CACNA1A: variants seen among roughly 807,000 people sequenced by gnomAD.
The protein encoded by CACNA1A is voltage-dependent P/Q-type calcium channel subunit alpha-1A.
Under a neutral mutation model 262.4 loss-of-function variants are expected in CACNA1A, and 57 were observed. The ratio of observed to expected loss-of-function variants is 0.22; its 90% confidence interval spans 0.18 to 0.27. CACNA1A has a LOEUF of 0.27. Ranked by LOEUF, CACNA1A falls within the 10% of genes least tolerant of loss-of-function variation. The pLI, the probability that CACNA1A is intolerant of heterozygous loss-of-function variation, is 1.00. For missense variants in CACNA1A, 2,526 were observed against 3,562.8 expected (o/e 0.71, Z 7.41); for synonymous variants, 1,431 against 1,419.3 (o/e 1.01, Z -0.18).
intron 19 of CACNA1A, among the ~76,000 whole-genome samples, chr19:13,294,065 CAGTAATATT>C (rs1370372773): frequency 6.6e-6 from 1 of 151,916 alleles, no homozygotes; most frequent in African/African-American, 2.4e-5. Context: ...CTGATAATAA[CAGTAATATT>C]AGTAATAATA....
intron 44 of CACNA1A, 94 bp downstream of exon 44, chr19:13,210,523 G>A (rs2054768929): frequency 8.6e-7 from 1 of 1,157,600 alleles, no homozygotes; most frequent in Non-Finnish European, 1.2e-6. Context: ...GTGGGGTCCG[G>A]GGACGGTGAG....
rs933948350 is a variant in CACNA1A at position 13,261,266 on chromosome 19, G to A, written c.4250+184C>T. 8 of 564,000 alleles carry A rather than the reference G, an allele frequency of 1.4e-5. No homozygotes were observed. In the African/African-American group the frequency reaches 1.5e-4, roughly 11 times the overall value. The allele number at this position is 564,000 out of a possible 1,614,324, so 34.9% of individuals were successfully genotyped here. The stretch of plus-strand genomic sequence containing the variant: ...GCTTATGACTCATTCTGTGGCTCTG[G>A]GTGGTGACTCAAATTCTAAAACCGG... On this transcript the variant is annotated intron_variant, in intron 26 of 46. Transcript: ENST00000360228.
intron 17 of CACNA1A, among the ~76,000 whole-genome samples, chr19:13,302,965 T>C (rs1399278420): frequency 6.6e-6 from 1 of 152,188 alleles, no homozygotes; most frequent in African/African-American, 2.4e-5. Context: ...CTGTTACATG[T>C]AATCTTAACT....
intron 3 of CACNA1A, among the ~76,000 whole-genome samples, chr19:13,447,199 A>G (rs951574960): frequency 6.6e-6 from 1 of 152,216 alleles, no homozygotes; most frequent in Non-Finnish European, 1.5e-5. Context: ...ACCAGAAAAA[A>G]AAATATACAT....
At chr19:13,372,480 G>A (rs2059341687) in intron 3 of CACNA1A, among the ~76,000 whole-genome samples, 1 of 152,104 alleles carries the variant, frequency 6.6e-6, no homozygotes, top group South Asian at 2.1e-4. Context: ...CCTGGTTTGT[G>A]GCTCTTTAAC....
At chr19:13,262,612 T>C in intron 25 of CACNA1A, 122 bp downstream of exon 25, 1 of 664,386 alleles carries the variant, frequency 1.5e-6, no homozygotes, top group Non-Finnish European at 2.8e-6. Context: ...CCATACACGA[T>C]GGCTAGGATG....
chr19:13,225,096 C>T (rs887573497), intron 37 of CACNA1A: 4 of 255,944 alleles, frequency 1.6e-5, no homozygotes, highest in Non-Finnish European at 2.3e-5. Context: ...TGGATGGCCC[C>T]GTTTCAGTCT....
At chr19:13,450,139 CA>C (rs367559329) in intron 3 of CACNA1A, among the ~76,000 whole-genome samples, 332 of 52,228 alleles carry the variant, frequency 6.4e-3, no homozygotes, top group East Asian at 0.05. Flanking sequence ...AGACTCTTGT[CA>C]AAAAAAAAAA....
At position 13,210,651 on chromosome 19, in the gene CACNA1A, C is replaced by T. The variant is rs866974416; in HGVS notation, c.6305G>A (p.Arg2102Lys). 1 of 1,563,474 alleles carries T rather than the reference C, an allele frequency of 6.4e-7. No homozygotes were observed. Among genetic ancestry groups the T allele is most frequent in the Non-Finnish European group, 8.7e-7 (1 of 1,155,212 alleles). ...SMPRLPAENQRRRGRPRGNNL... is the reference protein window; with the variant it reads ...SMPRLPAENQKRRGRPRGNNL... ...ATTCCCACGTGGCCGGCCCCTTCTC[C>T]TCTGTCACAGCCCCATGGGATGGTG... Residue 2102 changes from arginine to lysine, a missense_variant and splice_region_variant, in exon 44 of 47, where the codon AGG becomes AAG. Physicochemically the swap from Arg to Lys is conservative, Grantham distance 26. Around this residue, in one of 17 missense-constraint regions of CACNA1A, gnomAD observed 929 missense variants for 868.1 expected, o/e 1.07. Coordinates refer to ENST00000360228, the MANE Select transcript of CACNA1A (RefSeq NM_001127222.2).
intron 1 of CACNA1A, among the ~76,000 whole-genome samples, chr19:13,500,699 AGAAATGAAATGTAT>A (rs1395206362): frequency 1.3e-5 from 2 of 152,226 alleles, no homozygotes; most frequent in African/African-American, 2.4e-5. Context: ...TTTACCCAAG[AGAAATGAAATGTAT>A]GAAATGAAAT....
At chr19:13,456,454 T>C (rs867554396) in intron 1 of CACNA1A, among the ~76,000 whole-genome samples, 8 of 151,726 alleles carry the variant, frequency 5.3e-5, no homozygotes, top group African/African-American at 9.7e-5. Context: ...GGGTGGATCA[T>C]GAGGTCAGGA....
At chr19:13,352,810 T>G (rs2058937837) in intron 6 of CACNA1A, among the ~76,000 whole-genome samples, 1 of 152,200 alleles carries the variant, frequency 6.6e-6, no homozygotes, top group South Asian at 2.1e-4. Flanking sequence ...TTTCGCTCTG[T>G]TGCCCAGGCT....
intron 34 of CACNA1A, among the ~76,000 whole-genome samples, chr19:13,234,068 G>A (rs8111448): frequency 7.8e-6 from 1 of 128,108 alleles, no homozygotes; most frequent in East Asian, 2.3e-4. Flanking sequence ...AAAAAAAAAG[G>A]GCTGGGCACG....
At chr19:13,387,247 C>A (rs1014977123) in intron 3 of CACNA1A, among the ~76,000 whole-genome samples, 2 of 152,164 alleles carry the variant, frequency 1.3e-5, no homozygotes, top group Admixed American at 6.5e-5. Context: ...TGAGCCACTG[C>A]GCCCGGCCTC....
In CACNA1A at chr19:13,308,407, A is replaced by G. The variant is rs768485591; in HGVS notation, c.1781+9T>C. On this transcript the variant is annotated intron_variant, in intron 13 of 46. Transcript: ENST00000360228. This position sits in a 1 kb window ranked among gnomAD's most constrained non-coding sequence, Gnocchi z 4.2. ...CCTGTACAAATGTCCAGGAACCCCA[A>G]AGACTTACTTTGTGACTTTGAAAAT... 2 of 1,603,322 alleles carry G rather than the reference A, an allele frequency of 1.2e-6. No individual in the cohort carries two copies. The highest frequency in any genetic ancestry group is 1.7e-6 in the Non-Finnish European group (2 of 1,172,440).
intron 6 of CACNA1A, among the ~76,000 whole-genome samples, chr19:13,336,426 A>T (rs766558188): frequency 1.3e-5 from 2 of 152,128 alleles, no homozygotes; most frequent in Non-Finnish European, 2.9e-5. Context: ...ATCACAAAAA[A>T]TTCTCAGAAG....
At chr19:13,267,531 C>T (rs1348598842) in intron 24 of CACNA1A, among the ~76,000 whole-genome samples, 1 of 152,150 alleles carries the variant, frequency 6.6e-6, no homozygotes, top group Non-Finnish European at 1.5e-5. Flanking sequence ...CGGAGAAACC[C>T]CTCTTCTCCA....
intron 5 of CACNA1A, chr19:13,362,598 C>T (rs2059130191): frequency 6.6e-6 from 1 of 152,270 alleles, no homozygotes; most frequent in African/African-American, 2.4e-5. Context: ...CCACCTCAGC[C>T]TCTCAAAGTG....
Position 13,279,494 on chromosome 19 carries a change from A to AT in CACNA1A, c.3823-2367dup, listed in dbSNP as rs555941270. Among the ~76,000 whole-genome samples the AT allele has an allele frequency of 8.0e-3, 1,220 of 151,562 alleles. 13 individuals are homozygous for AT. The highest frequency in any genetic ancestry group is 0.028 in the African/African-American group (1,137 of 41,310). On this transcript the variant is annotated intron_variant, in intron 22 of 46. Coordinates refer to ENST00000360228, the MANE Select transcript of CACNA1A (RefSeq NM_001127222.2). ...GGCCACTGCGTTCATTTATTTTTTA[A>AT]TTTTTTTTTGAGATGGTGTCTCACT...
Sources: gnomAD v4.1 joint callset for allele counts (sites outside exome capture counted in the v4.1 genomes callset) on GRCh38, gnomAD v4.1.1 for gene constraint, gnomAD v4.1.1 regional missense constraint, Gnocchi (gnomAD v3.1) non-coding constraint, MANE v1.5 for transcripts, NCBI Gene and HGNC (gene_info 2026-07-23, HGNC 2026-07-21) for gene names.